The following CMTR1 variants were observed in gnomAD, a reference collection of about 807,000 sequenced individuals.
The protein encoded by CMTR1 is cap-specific mRNA (nucleoside-2'-O-)-methyltransferase 1.
CMTR1 carries 39 observed loss-of-function variants against 107.0 expected under a neutral mutation model. That is an observed-to-expected ratio of 0.36 (90% CI 0.28 to 0.48). The LOEUF is 0.48. CMTR1 is among the 20% of genes least tolerant of loss of function. CMTR1 has a pLI of 0.99. For missense variants in CMTR1, 672 were observed against 1,064.9 expected, an observed-to-expected ratio of 0.63 and a Z score of 5.14; for synonymous variants, 366 against 379.5, an observed-to-expected ratio of 0.96 and a Z score of 0.41.
At chr6:37,437,179 T>C (rs767995049) in intron 2 of CMTR1, among the ~76,000 whole-genome samples, 6 of 151,872 alleles carry the variant, frequency 4.0e-5, no homozygotes, top group Non-Finnish European at 7.4e-5. Flanking sequence ...CATAAATTTG[T>C]AAACTTTCTT....
At chr6:37,454,371 A>G (rs1761247516) in intron 8 of CMTR1, among the ~76,000 whole-genome samples, 3 of 152,206 alleles carry the variant, frequency 2.0e-5, no homozygotes. Context: ...TTTCACTCCC[A>G]GGTCTCCCTT....
Position 37,480,938 on chromosome 6 carries a change from C to T in CMTR1, c.*793C>T, listed in dbSNP as rs1211230229. The T allele has an allele frequency of 3.2e-6, 4 of 1,231,910 alleles. No homozygotes were observed. In the African/African-American group the frequency reaches 4.7e-5, roughly 15 times the overall value. 76.3% of individuals were successfully genotyped at this position (1,231,910 alleles called of 1,614,324 possible). On this transcript the variant is annotated 3_prime_UTR_variant, in exon 24 of 24. Transcript: ENST00000373451. ...GCAGGAAGCAGCCTTGAAGACCCGT[C>T]TTTCCCCCACAGCAGCAGGGGCCCC...
intron 3 of CMTR1, among the ~76,000 whole-genome samples, chr6:37,444,890 G>A (rs1771751927): frequency 6.6e-6 from 1 of 152,226 alleles, no homozygotes; most frequent in Non-Finnish European, 1.5e-5. Flanking sequence ...TCCAGGCATG[G>A]TGGCAGGTGC....
chr6:37,458,720 A>G lies in CMTR1; in HGVS notation c.886A>G (p.Lys296Glu), dbSNP rs770230683. ...GCTGTGGAGGAAGAAGTGGCATGCA[A>G]AGGGCTTTGGAATGACTTTGAAGGG... The part of the protein sequence containing the change: ...YVLWRKKWHA[K>E]GFGMTLKGPN... The change falls in exon 9 of 24, where the codon AAG (lysine) becomes GAG (glutamate). Residue 296 changes from lysine to glutamate, a missense_variant. Coordinates refer to ENST00000373451, the MANE Select transcript of CMTR1 (RefSeq NM_015050.3). This position sits in a 1 kb window ranked among gnomAD's most constrained non-coding sequence, Gnocchi z 4.7. 6.2e-7 allele frequency: 1 copy of G among 1,614,110 alleles called. No homozygotes were observed. Among genetic ancestry groups the G allele is most frequent in the Non-Finnish European group, 8.5e-7 (1 of 1,180,008 alleles).
intron 13 of CMTR1, among the ~76,000 whole-genome samples, chr6:37,468,487 G>C (rs1761554570): frequency 6.6e-6 from 1 of 152,212 alleles, no homozygotes. Context: ...TGTAGAACCA[G>C]ATTTCTATTT....
At chr6:37,427,922 A>G in the CMTR1 span, among the ~76,000 whole-genome samples, 5 of 151,356 alleles carry the variant, frequency 3.3e-5, no homozygotes, top group Non-Finnish European at 5.9e-5. The surrounding 1 kb of genome is among the most constrained non-coding windows in gnomAD (Gnocchi z 4.4). Flanking sequence ...TTTGGCCTCC[A>G]TGGTTTCTGA....
chr6:37,453,903 C>T (rs1761236063), intron 8 of CMTR1, among the ~76,000 whole-genome samples: 1 of 152,156 alleles, frequency 6.6e-6, no homozygotes, highest in Admixed American at 6.5e-5. Flanking sequence ...AAGATTTGTC[C>T]CAGCACTAAG....
intron 20 of CMTR1, 85 bp from the exon 21 acceptor site, chr6:37,477,507 G>A: frequency 1.6e-6 from 2 of 1,255,568 alleles, no homozygotes; most frequent in East Asian, 2.3e-5. Context: ...CCAAGGTCAA[G>A]TGCAGTCTCC....
chr6:37,429,339 C>T (rs199516357), upstream of CMTR1, among the ~76,000 whole-genome samples: 1 of 152,030 alleles, frequency 6.6e-6, no homozygotes, highest in African/African-American at 2.4e-5. Context: ...AATGGCTATT[C>T]TTTAAATTAT....
At chr6:37,459,116 TG>T (rs1761353173) in intron 9 of CMTR1, among the ~76,000 whole-genome samples, 1 of 152,272 alleles carries the variant, frequency 6.6e-6, no homozygotes, top group Admixed American at 6.5e-5. Flanking sequence ...GGCTGAGAAC[TG>T]GCAGGGTTTT....
At chr6:37,475,264 TG>T (rs1761712833) in intron 18 of CMTR1, 56 bp from the exon 19 acceptor site, 1 of 1,375,358 alleles carries the variant, frequency 7.3e-7, no homozygotes. Flanking sequence ...TGGTGGGTAG[TG>T]GGGGCTGAAG....
At chr6:37,454,523 C>T (rs1454217512) in intron 8 of CMTR1, among the ~76,000 whole-genome samples, 6 of 152,220 alleles carry the variant, frequency 3.9e-5, no homozygotes, top group South Asian at 4.1e-4. Context: ...GGAGCTCTGT[C>T]AAGCTGATGG....
intron 2 of CMTR1, among the ~76,000 whole-genome samples, chr6:37,442,271 G>A (rs1055943620): frequency 5.3e-5 from 8 of 152,154 alleles, no homozygotes; most frequent in African/African-American, 1.9e-4. Context: ...CCTACTGGTG[G>A]GGAAGCTAAA....
At chr6:37,432,266 A>G (rs1016972541), upstream of CMTR1, among the ~76,000 whole-genome samples, 2 of 152,258 alleles carry the variant, frequency 1.3e-5, no homozygotes, top group African/African-American at 4.8e-5. Context: ...GCAATGGGAC[A>G]TCATTGATGG....
Position 37,435,719 on chromosome 6 carries a change from G to A in CMTR1, c.90G>A (p.Thr30=), listed in dbSNP as rs768280474. 7 of 1,602,082 alleles carry A rather than the reference G, an allele frequency of 4.4e-6. No individual in the cohort carries two copies. The highest frequency in any genetic ancestry group is 3.4e-5 in the South Asian group (3 of 88,632). Residue 30 remains threonine, a synonymous_variant, in exon 2 of 24, where the codon ACG becomes ACA. Transcript: ENST00000373451. ...AGCTTGCCCTGAGCCTCAGCTCCAC[G>A]TCCGATGATGAACCTCCCTCCTCTG... ...VAELALSLSS[T]SDDEPPSSVS...
intron 2 of CMTR1, 59 bp from the exon 3 acceptor site, chr6:37,443,940 T>C: frequency 6.4e-7 from 1 of 1,571,720 alleles, no homozygotes; most frequent in Non-Finnish European, 8.6e-7. Context: ...GAAACTTGGA[T>C]GTCTGGAGGC....
chr6:37,461,874 G>T (rs1761408753), intron 11 of CMTR1, 96 bp from the exon 12 acceptor site: 10 of 1,401,090 alleles, frequency 7.1e-6, no homozygotes, highest in Non-Finnish European at 1.0e-5. Context: ...CCAGGTGCTG[G>T]TTTCCTTGAC....
chr6:37,461,408 C>T (rs1761401242), intron 10 of CMTR1, 141 bp from the exon 11 acceptor site: 2 of 529,282 alleles, frequency 3.8e-6, no homozygotes, highest in East Asian at 6.2e-5. Context: ...TAAAATAACT[C>T]AACACTGAGC....
intron 21 of CMTR1, 67 bp downstream of exon 21, chr6:37,477,706 A>G: frequency 3.5e-6 from 2 of 573,918 alleles, no homozygotes. Context: ...TCCTGTAGTC[A>G]TCCTCCGTTT....
Sources: gnomAD v4.1 joint callset for allele counts (sites outside exome capture counted in the v4.1 genomes callset) on GRCh38, gnomAD v4.1.1 for gene constraint, Gnocchi (gnomAD v3.1) non-coding constraint, MANE v1.5 for transcripts, NCBI Gene and HGNC (gene_info 2026-07-23, HGNC 2026-07-21) for gene names.